Variants in KCNJ3 observed in about 807,000 individuals in gnomAD.
The protein encoded by KCNJ3 is G protein-activated inward rectifier potassium channel 1.
KCNJ3 carries 4 observed loss-of-function variants against 39.2 expected under a neutral mutation model. The observed-to-expected ratio is 0.10, with a 90% CI of 0.05 to 0.23. The LOEUF (loss-of-function observed/expected upper bound fraction) is 0.23. KCNJ3 is among the 10% of genes least tolerant of loss of function. The pLI is 1.00. For missense variants in KCNJ3, 276 were observed against 634.9 expected (o/e 0.43, Z 6.08); for synonymous variants, 230 against 237.4 (o/e 0.97, Z 0.29).
intron 2 of KCNJ3, among the ~76,000 whole-genome samples, chr2:154,758,167 C>T (rs541945825): frequency 9.2e-5 from 14 of 152,128 alleles, no homozygotes; most frequent in Non-Finnish European, 2.1e-4. Flanking sequence ...ATTTGTAGGG[C>T]TTTTGGTGGG....
At chr2:154,709,929 G>C in intron 2 of KCNJ3, 110 bp downstream of exon 2, 3 of 1,244,512 alleles carry the variant, frequency 2.4e-6, no homozygotes, top group Non-Finnish European at 3.3e-6. Flanking sequence ...TTACAATAAT[G>C]AAAGTAATGA....
chr2:154,821,735 C>T (rs567717270), intron 2 of KCNJ3, among the ~76,000 whole-genome samples: 11 of 146,932 alleles, frequency 7.5e-5, no homozygotes, highest in African/African-American at 2.2e-4. Flanking sequence ...TTGCCTCCCT[C>T]GTTCAAGCAA....
At chr2:154,719,191 A>G (rs1436333862) in intron 2 of KCNJ3, among the ~76,000 whole-genome samples, 1 of 152,182 alleles carries the variant, frequency 6.6e-6, no homozygotes, top group East Asian at 1.9e-4. Context: ...TTTTTAAAAA[A>G]CACACAACTA....
chr2:154,837,482 T>C (rs978071380), intron 2 of KCNJ3, among the ~76,000 whole-genome samples: 1 of 152,126 alleles, frequency 6.6e-6, no homozygotes. Flanking sequence ...TTCCTTTTAT[T>C]TTTATTTGTG....
intron 2 of KCNJ3, among the ~76,000 whole-genome samples, chr2:154,794,166 CT>C (rs1686683342): frequency 6.6e-6 from 1 of 151,798 alleles, no homozygotes; most frequent in African/African-American, 2.4e-5. Flanking sequence ...ATTTCAATTG[CT>C]TTATTTTTAG....
intron 2 of KCNJ3, among the ~76,000 whole-genome samples, chr2:154,808,231 G>T (rs889463395): frequency 5.3e-5 from 8 of 151,784 alleles, no homozygotes; most frequent in African/African-American, 1.9e-4. Flanking sequence ...ACAGGCACAT[G>T]CCACCATGCC....
chr2:154,821,429 G>A lies in KCNJ3; in HGVS notation c.920-33298G>A, dbSNP rs1687176151. On this transcript the variant is annotated intron_variant, in intron 2 of 2. Coordinates refer to ENST00000295101, the MANE Select transcript of KCNJ3 (RefSeq NM_002239.4). Reference sequence around the variant, plus strand: ...GTTTGAAGGTAGGAAATTTTGTTTTGAAAATATTTTCCCTGTATCCCTTCA... The same window carrying A: ...GTTTGAAGGTAGGAAATTTTGTTTTAAAAATATTTTCCCTGTATCCCTTCA... Among the ~76,000 whole-genome samples, 7 of 152,048 alleles carry A rather than the reference G, an allele frequency of 4.6e-5. 1 individual carries two copies. Among genetic ancestry groups the A allele is most frequent in the Admixed American group, 4.6e-4 (7 of 15,248 alleles).
rs1685267117 is a variant in KCNJ3 at position 154,721,812 on chromosome 2, A to G, written c.919+11993A>G. ...GAAATGGAAACTGTGATTCATTGAG[A>G]TGAAACAACTTGTCTGTCTTCTCAG... is the stretch of plus-strand genomic sequence containing the variant. On this transcript the variant is annotated intron_variant, in intron 2 of 2. Transcript: ENST00000295101. Among the ~76,000 whole-genome samples, 3 of 152,302 alleles carry G rather than the reference A, an allele frequency of 2.0e-5. No individual in the cohort carries two copies. In the South Asian group the frequency reaches 6.2e-4, roughly 32 times the overall value.
Position 154,855,388 on chromosome 2 carries a change from CT to C in KCNJ3, c.*76del, listed in dbSNP as rs960831091. 1.0e-4 allele frequency: 100 copies of C among 974,956 alleles called. No homozygotes were observed. Among genetic ancestry groups the C allele is most frequent in the Middle Eastern group, 9.5e-4 (4 of 4,224 alleles). The allele number at this position is 974,956 out of a possible 1,614,324, so 60.4% of individuals were successfully genotyped here. ...ATATTTGGCGATGAGGTAATTCTCC[CT>C]AAGGAATCTGAAAGTATATTTTCCT... On this transcript the variant is annotated 3_prime_UTR_variant, in exon 3 of 3. Coordinates refer to ENST00000295101, the MANE Select transcript of KCNJ3 (RefSeq NM_002239.4).
chr2:154,785,996 C>A (rs933832360), intron 2 of KCNJ3, among the ~76,000 whole-genome samples: 1 of 152,152 alleles, frequency 6.6e-6, no homozygotes, highest in African/African-American at 2.4e-5. Context: ...AGACCTGTGA[C>A]TAAATGTCTG....
intron 2 of KCNJ3, among the ~76,000 whole-genome samples, chr2:154,810,240 G>A (rs755454121): frequency 1.1e-4 from 17 of 152,078 alleles, no homozygotes; most frequent in Middle Eastern, 3.4e-3. Flanking sequence ...GTGCCACCAC[G>A]CCTGACTAAT....
intron 2 of KCNJ3, among the ~76,000 whole-genome samples, chr2:154,747,931 A>T (rs1459011983): frequency 6.6e-6 from 1 of 151,948 alleles, no homozygotes; most frequent in Non-Finnish European, 1.5e-5. Flanking sequence ...GTCAGGAAGC[A>T]TCCTGACCAG....
chr2:154,803,603 C>G (rs187087359), intron 2 of KCNJ3, among the ~76,000 whole-genome samples: 1 of 151,636 alleles, frequency 6.6e-6, no homozygotes, highest in Non-Finnish European at 1.5e-5. Context: ...ATTATTGTAT[C>G]CCTTTAATTA....
chr2:154,781,828 T>C (rs1159549022), intron 2 of KCNJ3, among the ~76,000 whole-genome samples: 1 of 152,194 alleles, frequency 6.6e-6, no homozygotes, highest in South Asian at 2.1e-4. Context: ...TTTTAATTTC[T>C]CCAACAATGC....
intron 2 of KCNJ3, among the ~76,000 whole-genome samples, chr2:154,813,400 G>T (rs897317968): frequency 1.4e-4 from 22 of 152,078 alleles, no homozygotes; most frequent in African/African-American, 4.8e-4. Flanking sequence ...TTTTCATCAT[G>T]CATGGAGCCC....
chr2:154,837,091 G>A (rs546863561), intron 2 of KCNJ3, among the ~76,000 whole-genome samples: 38 of 152,226 alleles, frequency 2.5e-4, no homozygotes, highest in African/African-American at 8.7e-4. Flanking sequence ...GTATCAAAAT[G>A]TCCAATTCCT....
chr2:154,743,292 G>C (rs1267354742), intron 2 of KCNJ3, among the ~76,000 whole-genome samples: 1 of 151,692 alleles, frequency 6.6e-6, no homozygotes, highest in African/African-American at 2.4e-5. Context: ...TTAAAATCAG[G>C]AAATATGAGT....
chr2:154,720,230 G>A lies in KCNJ3; in HGVS notation c.919+10411G>A, dbSNP rs925460749. ...AGACCATCAATTCTTTGTTGTCCAG[G>A]GGTGACTTACCCTTGAAGCATATTA... On this transcript the variant is annotated intron_variant, in intron 2 of 2. Coordinates refer to ENST00000295101, the MANE Select transcript of KCNJ3 (RefSeq NM_002239.4). Among the ~76,000 whole-genome samples, 10 of 151,904 alleles carry A rather than the reference G, an allele frequency of 6.6e-5. No individual in the cohort carries two copies. In the East Asian group the frequency reaches 1.7e-3, roughly 26 times the overall value.
At chr2:154,724,917 GTATATATATA>G (rs59124944) in intron 2 of KCNJ3, among the ~76,000 whole-genome samples, 5 of 116,316 alleles carry the variant, frequency 4.3e-5, no homozygotes, top group Admixed American at 4.2e-4. Flanking sequence ...TACATATGAG[GTATATATATA>G]TATATATATA....
Sources: gnomAD v4.1 joint callset for allele counts (sites outside exome capture counted in the v4.1 genomes callset) on GRCh38, gnomAD v4.1.1 for gene constraint, MANE v1.5 for transcripts, NCBI Gene and HGNC (gene_info 2026-07-23, HGNC 2026-07-21) for gene names.